CUX1: variants seen among roughly 807,000 people sequenced by gnomAD.
CUX1 encodes protein CASP.
Under a neutral mutation model 158.8 loss-of-function variants are expected in CUX1, and 31 were observed. That is an observed-to-expected ratio of 0.20 (90% CI 0.15 to 0.26). The LOEUF (loss-of-function observed/expected upper bound fraction) is 0.26, where lower values mean the gene tolerates loss of function less well. CUX1 is among the 10% of genes least tolerant of loss of function. The pLI, the probability that CUX1 is intolerant of heterozygous loss-of-function variation, is 1.00. For synonymous variants in CUX1, 879 were observed against 862.1 expected (o/e 1.02, Z -0.34); for missense variants, 1,589 against 2,014.6 (o/e 0.79, Z 4.04).
chr7:102,249,143 G>A lies in CUX1; in HGVS notation c.*101G>A, dbSNP rs1554538666. On this transcript the variant is annotated 3_prime_UTR_variant, in exon 24 of 24. Coordinates refer to ENST00000292535, the MANE Select transcript of CUX1 (RefSeq NM_181552.4). ...GGACACCGTGGCCTGGGCTTGGCCC[G>A]CGGCCTGCACCGACCCCGGGCCGGA... 10 of 1,160,078 alleles carry A rather than the reference G, an allele frequency of 8.6e-6. No individual in the cohort carries two copies. Among genetic ancestry groups the A allele is most frequent in the East Asian group, 3.9e-5 (1 of 25,592 alleles). 71.9% of individuals were successfully genotyped at this position (1,160,078 alleles called of 1,614,324 possible).
At chr7:101,934,687 C>T (rs1412486906) in intron 2 of CUX1, among the ~76,000 whole-genome samples, 6 of 152,170 alleles carry the variant, frequency 3.9e-5, no homozygotes, top group African/African-American at 1.2e-4. Flanking sequence ...AGTTTCTGGG[C>T]TCCCTGGCTC....
At chr7:102,240,585 A>G (rs1368613278) in intron 23 of CUX1, among the ~76,000 whole-genome samples, 1 of 151,726 alleles carries the variant, frequency 6.6e-6, no homozygotes, top group Non-Finnish European at 1.5e-5. Context: ...GTGATTTTGC[A>G]GTGCTTTCTC....
intron 8 of CUX1, among the ~76,000 whole-genome samples, chr7:102,142,438 A>G (rs1834561479): frequency 6.6e-6 from 1 of 152,206 alleles, no homozygotes; most frequent in South Asian, 2.1e-4. Context: ...ATGACAGAAC[A>G]GCATCCCTTC....
At chr7:101,921,429 GTTTTA>G (rs1035287463) in intron 2 of CUX1, among the ~76,000 whole-genome samples, 105 of 149,520 alleles carry the variant, frequency 7.0e-4, no homozygotes, top group African/African-American at 2.0e-3. Flanking sequence ...GAATTTCTAT[GTTTTA>G]TTTTATTTTA....
chr7:102,029,395 C>G (rs1040673671), intron 3 of CUX1, among the ~76,000 whole-genome samples: 1 of 152,032 alleles, frequency 6.6e-6, no homozygotes, highest in African/African-American at 2.4e-5. Context: ...CCGTGAGATA[C>G]AGTAGGTTCC....
chr7:102,081,257 C>A (rs1384556712), intron 4 of CUX1, among the ~76,000 whole-genome samples: 1 of 148,332 alleles, frequency 6.7e-6, no homozygotes. Context: ...ATGATCATTT[C>A]CCCCCACGTG....
At chr7:102,130,220 G>C (rs1320811051) in intron 8 of CUX1, among the ~76,000 whole-genome samples, 1 of 152,034 alleles carries the variant, frequency 6.6e-6, no homozygotes, top group Admixed American at 6.6e-5. Context: ...GAGCTTTATG[G>C]CATCACTCCC....
chr7:101,857,720 C>G (rs1797012489), intron 1 of CUX1, among the ~76,000 whole-genome samples: 1 of 152,182 alleles, frequency 6.6e-6, no homozygotes, highest in South Asian at 2.1e-4. Context: ...TGTGCTATAG[C>G]TTTGCATAAT....
At chr7:102,189,911 C>A in intron 12 of CUX1, 40 bp downstream of exon 12, 1 of 1,604,780 alleles carries the variant, frequency 6.2e-7, no homozygotes, top group Non-Finnish European at 8.5e-7. Context: ...CACGCTGGGG[C>A]GCATTAGGGC....
intron 2 of CUX1, among the ~76,000 whole-genome samples, chr7:102,001,006 G>A (rs546699917): frequency 6.6e-6 from 1 of 152,028 alleles, no homozygotes; most frequent in East Asian, 1.9e-4. Flanking sequence ...TTGAACTCAT[G>A]GGCCTCAAGT....
Position 102,256,434 on chromosome 7 carries a change from G to A in CUX1, c.*7392G>A. ...ATAAATGCTTTTTGCTGTCACTCTA[G>A]TGGTTACTATCCTCTGCCTTCCTCT... On this transcript the variant is annotated 3_prime_UTR_variant, in exon 24 of 24. Coordinates refer to ENST00000292535, the MANE Select transcript of CUX1 (RefSeq NM_181552.4). 1.0e-6 allele frequency: 1 copy of A among 985,324 alleles called. No homozygotes were observed. The highest frequency in any genetic ancestry group is 4.7e-5 in the South Asian group (1 of 21,288). 61.0% of individuals were successfully genotyped at this position (985,324 alleles called of 1,614,324 possible). A position where few individuals can be genotyped will look rare whatever the true frequency, so the allele number is the denominator to read the frequency against.
intron 2 of CUX1, among the ~76,000 whole-genome samples, chr7:102,015,349 T>C (rs1001200521): frequency 6.6e-5 from 10 of 152,038 alleles, no homozygotes; most frequent in Non-Finnish European, 1.3e-4. Context: ...TGCCTCAGCC[T>C]CCCAAGTAGC....
chr7:102,171,766 C>T (rs1323192612), intron 10 of CUX1, among the ~76,000 whole-genome samples: 3 of 152,094 alleles, frequency 2.0e-5, no homozygotes, highest in Admixed American at 1.3e-4. Flanking sequence ...CAATTTCTAG[C>T]ACATAATTTC....
intron 1 of CUX1, among the ~76,000 whole-genome samples, chr7:101,872,032 A>T (rs1262125582): frequency 6.6e-6 from 1 of 152,010 alleles, no homozygotes; most frequent in Non-Finnish European, 1.5e-5. Context: ...AAAAAAAAAA[A>T]AGAAAAGAAA....
intron 20 of CUX1, among the ~76,000 whole-genome samples, chr7:102,219,295 C>A (rs1797576983): frequency 6.6e-6 from 1 of 152,022 alleles, no homozygotes; most frequent in African/African-American, 2.4e-5. Context: ...GGACATTGAT[C>A]TTTCCTGGAG....
intron 8 of CUX1, among the ~76,000 whole-genome samples, chr7:102,148,184 C>T (rs1047402659): frequency 6.6e-6 from 1 of 151,966 alleles, no homozygotes; most frequent in Non-Finnish European, 1.5e-5. Flanking sequence ...CAGAGGAGGG[C>T]CAGGAGGGCT....
At chr7:102,085,562 T>A (rs1265332265) in intron 4 of CUX1, among the ~76,000 whole-genome samples, 1 of 152,194 alleles carries the variant, frequency 6.6e-6, no homozygotes, top group African/African-American at 2.4e-5. Flanking sequence ...AAGGACATGT[T>A]TGCTTCCCCT....
At chr7:102,118,887 G>T (rs1831723136) in intron 8 of CUX1, among the ~76,000 whole-genome samples, 2 of 152,210 alleles carry the variant, frequency 1.3e-5, no homozygotes, top group Admixed American at 6.5e-5. Context: ...AAGTAGCTGG[G>T]ATTACAGGCG....
intron 2 of CUX1, among the ~76,000 whole-genome samples, chr7:102,021,660 C>T (rs6965946): frequency 3.0e-5 from 4 of 132,716 alleles, no homozygotes; most frequent in African/African-American, 8.7e-5. Context: ...TGGGTTGAAG[C>T]GATTCTCCTG....
Sources: allele counts gnomAD v4.1 joint callset (sites outside exome capture counted in the v4.1 genomes callset), GRCh38; gene constraint gnomAD v4.1.1; transcripts MANE v1.5; gene names NCBI Gene and HGNC (gene_info 2026-07-23, HGNC 2026-07-21).